Variants in CAMK1D observed in about 807,000 individuals in gnomAD.
CAMK1D encodes the protein calcium/calmodulin dependent protein kinase ID.
In CAMK1D, 9 loss-of-function variants were observed where a neutral mutation model predicts 47.7. The observed-to-expected ratio is 0.19, with a 90% CI of 0.11 to 0.33. CAMK1D has a LOEUF of 0.33. Among genes scored for constraint, CAMK1D ranks in the 10% least tolerant of loss-of-function variants. The pLI is 1.00. For synonymous variants in CAMK1D, 184 were observed against 184.9 expected (o/e 0.99, Z 0.04); for missense variants, 291 against 488.7 (o/e 0.60, Z 3.81).
At chr10:12,729,177 C>T (rs1185574004) in intron 3 of CAMK1D, among the ~76,000 whole-genome samples, 1 of 152,260 alleles carries the variant, frequency 6.6e-6, no homozygotes, top group Non-Finnish European at 1.5e-5. Context: ...GCGTGTTTTT[C>T]GTTCAGCAAA....
chr10:12,488,817 G>A (rs776042547), intron 1 of CAMK1D, among the ~76,000 whole-genome samples: 2 of 152,190 alleles, frequency 1.3e-5, no homozygotes, highest in Non-Finnish European at 2.9e-5. Flanking sequence ...ATCTAATGGC[G>A]CCGCTGATCT....
chr10:12,807,231 G>A (rs1838772475), intron 6 of CAMK1D, among the ~76,000 whole-genome samples: 1 of 152,188 alleles, frequency 6.6e-6, no homozygotes, highest in Admixed American at 6.5e-5. Flanking sequence ...ATCCTTTGTG[G>A]GATGTTGGCA....
intron 2 of CAMK1D, among the ~76,000 whole-genome samples, chr10:12,646,159 T>C (rs1228460880): frequency 6.6e-6 from 1 of 152,204 alleles, no homozygotes; most frequent in African/African-American, 2.4e-5. Context: ...AAGCAAAATA[T>C]TCTTGTAATT....
chr10:12,747,188 A>C (rs55759794), intron 3 of CAMK1D, among the ~76,000 whole-genome samples: 40,593 of 151,710 alleles, frequency 0.27, 6,200 homozygotes, highest in African/African-American at 0.43. Context: ...CACACCACCA[A>C]GCCCAGCTAA....
rs558179045 is a variant in CAMK1D at position 12,630,220 on chromosome 10, C to T, written c.225-36516C>T. Among the ~76,000 whole-genome samples the T allele has an allele frequency of 5.3e-5, 8 of 152,294 alleles. No homozygotes were observed. In the East Asian group the frequency reaches 1.5e-3, roughly 29 times the overall value. On this transcript the variant is annotated intron_variant, in intron 2 of 10. Coordinates refer to ENST00000619168, the MANE Select transcript of CAMK1D (RefSeq NM_153498.4). ...CCTAACTTTCATGCTCCGTCTTCTT[C>T]CCAGCATCTTCTCCCTAGTGAGCGC...
chr10:12,426,110 T>C (rs1840221073), intron 1 of CAMK1D, among the ~76,000 whole-genome samples: 1 of 152,222 alleles, frequency 6.6e-6, no homozygotes, highest in South Asian at 2.1e-4. Flanking sequence ...ATTGCAACAA[T>C]TCCTCTTTCA....
chr10:12,645,413 G>A (rs1388530336), intron 2 of CAMK1D, among the ~76,000 whole-genome samples: 4 of 152,112 alleles, frequency 2.6e-5, no homozygotes, highest in African/African-American at 7.2e-5. Context: ...ACGTCAAATC[G>A]GCTTAAGTGA....
At chr10:12,742,439 C>T (rs762310478) in intron 3 of CAMK1D, among the ~76,000 whole-genome samples, 2 of 152,132 alleles carry the variant, frequency 1.3e-5, no homozygotes, top group East Asian at 1.9e-4. Flanking sequence ...ACAGCAGAAG[C>T]GTAATTTATG....
intron 3 of CAMK1D, among the ~76,000 whole-genome samples, chr10:12,740,268 T>C (rs567558702): frequency 2.0e-5 from 3 of 152,268 alleles, no homozygotes; most frequent in Non-Finnish European, 4.4e-5. Flanking sequence ...GACTGTTTCG[T>C]GGAGGTGCCA....
At chr10:12,665,177 T>A (rs1358874351) in intron 2 of CAMK1D, among the ~76,000 whole-genome samples, 1 of 152,190 alleles carries the variant, frequency 6.6e-6, no homozygotes, top group Non-Finnish European at 1.5e-5. Flanking sequence ...TGGAATCAGG[T>A]GGAAGGTGAA....
At chr10:12,462,835 A>G (rs561200747) in intron 1 of CAMK1D, among the ~76,000 whole-genome samples, 1 of 152,268 alleles carries the variant, frequency 6.6e-6, no homozygotes, top group South Asian at 2.1e-4. Flanking sequence ...AGCTGGGACT[A>G]CAGGCATGCA....
chr10:12,737,152 C>G (rs954147607), intron 3 of CAMK1D, among the ~76,000 whole-genome samples: 1 of 152,090 alleles, frequency 6.6e-6, no homozygotes, highest in African/African-American at 2.4e-5. Flanking sequence ...CACCCTCGCC[C>G]CCATCCATCA....
At chr10:12,394,573 A>G (rs1440817981) in intron 1 of CAMK1D, among the ~76,000 whole-genome samples, 1 of 152,136 alleles carries the variant, frequency 6.6e-6, no homozygotes, top group Non-Finnish European at 1.5e-5. Flanking sequence ...CCAAATTCCA[A>G]GGGCTTTCGG....
chr10:12,749,845 C>A (rs991086558), intron 3 of CAMK1D, among the ~76,000 whole-genome samples: 9 of 152,018 alleles, frequency 5.9e-5, no homozygotes, highest in African/African-American at 2.2e-4. Context: ...CTGCTTCGTT[C>A]GGCCTCCCAA....
At chr10:12,735,876 C>T (rs1835165263) in intron 3 of CAMK1D, among the ~76,000 whole-genome samples, 1 of 151,934 alleles carries the variant, frequency 6.6e-6, no homozygotes, top group African/African-American at 2.4e-5. Context: ...AGATGGCTGG[C>T]ACCACACTCA....
intron 5 of CAMK1D, among the ~76,000 whole-genome samples, chr10:12,774,104 A>T (rs973671241): frequency 2.6e-5 from 4 of 151,878 alleles, no homozygotes; most frequent in African/African-American, 9.7e-5. Context: ...AAATAGAAGA[A>T]TAAAACATAA....
At chr10:12,827,416 TTTCTTTCC>T (rs1202035958) in intron 10 of CAMK1D, among the ~76,000 whole-genome samples, 2 of 57,148 alleles carry the variant, frequency 3.5e-5, no homozygotes, top group African/African-American at 1.4e-4. Flanking sequence ...TCTTTCTCTC[TTTCTTTCC>T]TTCCTTCCTT....
intron 6 of CAMK1D, among the ~76,000 whole-genome samples, chr10:12,800,179 T>G (rs1838366763): frequency 6.6e-6 from 1 of 152,198 alleles, no homozygotes; most frequent in Admixed American, 6.5e-5. Context: ...ACGCACACAA[T>G]CAAATATACG....
intron 1 of CAMK1D, among the ~76,000 whole-genome samples, chr10:12,500,733 C>T (rs1455382946): frequency 6.6e-6 from 1 of 152,224 alleles, no homozygotes; most frequent in African/African-American, 2.4e-5. Context: ...AATCAACCTC[C>T]TTTTTATTAG....
Sources: allele counts gnomAD v4.1 joint callset (sites outside exome capture counted in the v4.1 genomes callset), GRCh38; gene constraint gnomAD v4.1.1; transcripts MANE v1.5; gene names NCBI Gene and HGNC (gene_info 2026-07-23, HGNC 2026-07-21).